The following LRRC4C variants were observed in gnomAD, a reference collection of about 807,000 sequenced individuals.
LRRC4C encodes the protein leucine-rich repeat-containing protein 4C.
LRRC4C carries 5 observed loss-of-function variants against 33.6 expected under a neutral mutation model. The ratio of observed to expected loss-of-function variants is 0.15; its 90% CI spans 0.08 to 0.31. The LOEUF is 0.31. LRRC4C is among the 10% of genes least tolerant of loss of function. The probability of loss-of-function intolerance (pLI) is 1.00; values close to 1 mark genes in which losing one functional copy is unlikely to be tolerated. For missense variants in LRRC4C, 560 were observed against 796.7 expected, an observed-to-expected ratio of 0.70 and a Z score of 3.58; for synonymous variants, 329 against 302.0, an observed-to-expected ratio of 1.09 and a Z score of -0.93.
chr11:40,258,511 A>T (rs1314172270), intron 4 of LRRC4C, among the ~76,000 whole-genome samples: 1 of 152,182 alleles, frequency 6.6e-6, no homozygotes. Context: ...CAATTCCTAC[A>T]TTCTTGTTGT....
chr11:40,393,301 C>A (rs1949408826), intron 3 of LRRC4C, among the ~76,000 whole-genome samples: 1 of 152,124 alleles, frequency 6.6e-6, no homozygotes, highest in African/African-American at 2.4e-5. Context: ...GCTTTCATTA[C>A]AAATCATTTT....
chr11:40,949,930 TAAAG>T (rs1338062260), intron 1 of LRRC4C, among the ~76,000 whole-genome samples: 4 of 152,074 alleles, frequency 2.6e-5, no homozygotes, highest in Non-Finnish European at 5.9e-5. Flanking sequence ...GCAAATTGGA[TAAAG>T]AGTCAAGACC....
At chr11:40,894,987 T>A (rs1234188702) in intron 2 of LRRC4C, among the ~76,000 whole-genome samples, 1 of 152,198 alleles carries the variant, frequency 6.6e-6, no homozygotes, top group Non-Finnish European at 1.5e-5. Flanking sequence ...CTCTCTTTTT[T>A]GTAAAGTATA....
At chr11:40,785,742 A>C (rs572096235) in intron 2 of LRRC4C, among the ~76,000 whole-genome samples, 1 of 152,290 alleles carries the variant, frequency 6.6e-6, no homozygotes, top group Admixed American at 6.5e-5. Context: ...AATTCTACTA[A>C]GACATTTGTC....
intron 1 of LRRC4C, among the ~76,000 whole-genome samples, chr11:41,446,981 C>G (rs1955845880): frequency 6.6e-6 from 1 of 152,134 alleles, no homozygotes; most frequent in Admixed American, 6.5e-5. Context: ...TATTGAACAT[C>G]TGATCAAAAC....
chr11:40,229,094 T>C (rs759498591), intron 5 of LRRC4C, among the ~76,000 whole-genome samples: 15 of 152,336 alleles, frequency 9.8e-5, no homozygotes, highest in Non-Finnish European at 1.6e-4. Context: ...CTCATTTACT[T>C]GAGAAATATT....
At chr11:40,637,618 A>G (rs1370612223) in intron 3 of LRRC4C, among the ~76,000 whole-genome samples, 1 of 152,184 alleles carries the variant, frequency 6.6e-6, no homozygotes, top group Non-Finnish European at 1.5e-5. Flanking sequence ...CAGACCAAAC[A>G]TGTTGGAGTT....
chr11:41,091,801 C>A (rs1003760115), intron 1 of LRRC4C, among the ~76,000 whole-genome samples: 3 of 152,006 alleles, frequency 2.0e-5, no homozygotes, highest in Admixed American at 2.0e-4. Flanking sequence ...AGGTGGCTGG[C>A]GTGTAATTTA....
At chr11:41,260,558 G>A (rs1948947746) in intron 1 of LRRC4C, among the ~76,000 whole-genome samples, 1 of 151,284 alleles carries the variant, frequency 6.6e-6, no homozygotes, top group Admixed American at 6.6e-5. Flanking sequence ...GCACCATAAG[G>A]ACAGTACAGG....
chr11:40,744,875 G>A (rs1016168212), intron 2 of LRRC4C, among the ~76,000 whole-genome samples: 1 of 152,026 alleles, frequency 6.6e-6, no homozygotes, highest in Non-Finnish European at 1.5e-5. Context: ...CTTATTGAGG[G>A]AAATGACTTA....
At chr11:40,350,987 G>A (rs1402973135) in intron 3 of LRRC4C, among the ~76,000 whole-genome samples, 1 of 152,026 alleles carries the variant, frequency 6.6e-6, no homozygotes, top group South Asian at 2.1e-4. Flanking sequence ...TTTTTTGATG[G>A]AGTTTTCAAA....
chr11:41,213,179 T>G (rs1946893584), intron 1 of LRRC4C, among the ~76,000 whole-genome samples: 1 of 152,234 alleles, frequency 6.6e-6, no homozygotes, highest in Non-Finnish European at 1.5e-5. Flanking sequence ...ACTAAAAAGT[T>G]AAAATCACTC....
chr11:40,872,109 T>C (rs980816264), intron 2 of LRRC4C, among the ~76,000 whole-genome samples: 1 of 152,114 alleles, frequency 6.6e-6, no homozygotes, highest in Non-Finnish European at 1.5e-5. Context: ...AAGGATGCCC[T>C]GGTGGCGAGA....
intron 1 of LRRC4C, among the ~76,000 whole-genome samples, chr11:41,423,314 A>ATAG (rs1213682440): frequency 1.3e-5 from 2 of 152,014 alleles, no homozygotes; most frequent in Admixed American, 1.3e-4. Context: ...AATCCAGGTA[A>ATAG]TAGTAGCTCC....
intron 1 of LRRC4C, among the ~76,000 whole-genome samples, chr11:41,260,189 T>C (rs575975565): frequency 6.6e-6 from 1 of 152,198 alleles, no homozygotes; most frequent in South Asian, 2.1e-4. Context: ...AATTGTACTC[T>C]TTCCCCAAAA....
At chr11:41,252,480 C>T (rs893105984) in intron 1 of LRRC4C, among the ~76,000 whole-genome samples, 1 of 152,056 alleles carries the variant, frequency 6.6e-6, no homozygotes, top group African/African-American at 2.4e-5. Context: ...GGAATCCGGA[C>T]CCAATAGTCA....
intron 3 of LRRC4C, among the ~76,000 whole-genome samples, chr11:40,624,241 CTTAGA>C (rs1192304033): frequency 6.6e-6 from 1 of 152,008 alleles, no homozygotes; most frequent in Non-Finnish European, 1.5e-5. Context: ...GTTTTTTGAC[CTTAGA>C]TTAATTTAGT....
chr11:40,976,732 G>C (rs1852112643), intron 1 of LRRC4C, among the ~76,000 whole-genome samples: 1 of 151,764 alleles, frequency 6.6e-6, no homozygotes, highest in Non-Finnish European at 1.5e-5. Flanking sequence ...GATTCCAAAA[G>C]AAAAAAACAA....
chr11:41,062,524 G>T (rs1937863561), intron 1 of LRRC4C, among the ~76,000 whole-genome samples: 1 of 152,144 alleles, frequency 6.6e-6, no homozygotes, highest in South Asian at 2.1e-4. Context: ...AAAATTATAA[G>T]TAAATATCTA....
Sources: gnomAD v4.1 joint callset for allele counts (sites outside exome capture counted in the v4.1 genomes callset) on GRCh38, gnomAD v4.1.1 for gene constraint, MANE v1.5 for transcripts, NCBI Gene and HGNC (gene_info 2026-07-23, HGNC 2026-07-21) for gene names.